The following NR3C2 variants were observed in gnomAD, a reference collection of about 807,000 sequenced individuals.
NR3C2 encodes the protein nuclear receptor subfamily 3 group C member 2, also known as mineralocorticoid receptor.
Under a neutral mutation model 86.4 loss-of-function variants are expected in NR3C2, and 15 were observed. The ratio of observed to expected loss-of-function variants is 0.17; its 90% CI spans 0.12 to 0.27. NR3C2 has a LOEUF of 0.27. Among genes scored for constraint, NR3C2 ranks in the 10% least tolerant of loss-of-function variants. NR3C2 has a pLI of 1.00. For missense variants in NR3C2, 960 were observed against 1,195.6 expected, an observed-to-expected ratio of 0.80 and a Z score of 2.91; for synonymous variants, 458 against 450.5, an observed-to-expected ratio of 1.02 and a Z score of -0.21.
At position 148,120,240 on chromosome 4, in the gene NR3C2, G is replaced by A. The variant is rs757563985; in HGVS notation, c.2559C>T (p.His853=). The A allele has an allele frequency of 6.2e-7, 1 of 1,614,078 alleles. No individual in the cohort carries two copies. Among genetic ancestry groups the A allele is most frequent in the East Asian group, 2.2e-5 (1 of 44,884 alleles). ...SAMYELCQGM[H]QISLQFVRLQ... ...GTCGAACGAACTGAAGGCTGATTTG[G>A]TGCATCCCCTGGCATAGTTCATACA... The change falls in exon 7 of 9, where the codon CAC becomes CAT. Residue 853 remains histidine, a synonymous_variant. Transcript: ENST00000358102.
chr4:148,083,818 A>ATT (rs1730688906), intron 8 of NR3C2, among the ~76,000 whole-genome samples: 1 of 152,176 alleles, frequency 6.6e-6, no homozygotes, highest in African/African-American at 2.4e-5. Flanking sequence ...CAGTTTAGAG[A>ATT]AGAATATAAA....
intron 4 of NR3C2, among the ~76,000 whole-genome samples, chr4:148,186,863 G>C (rs1560967032): frequency 6.6e-6 from 1 of 150,828 alleles, no homozygotes; most frequent in East Asian, 2.0e-4. Flanking sequence ...AACATACGAT[G>C]TTTGGTTTTC....
chr4:148,199,463 T>C (rs959272783), intron 3 of NR3C2, among the ~76,000 whole-genome samples: 6 of 152,246 alleles, frequency 3.9e-5, no homozygotes, highest in African/African-American at 1.4e-4. Flanking sequence ...TCTCGCTATC[T>C]CTTTTTTTTA....
At chr4:148,267,745 A>G (rs1327529315) in intron 2 of NR3C2, among the ~76,000 whole-genome samples, 1 of 152,136 alleles carries the variant, frequency 6.6e-6, no homozygotes, top group Non-Finnish European at 1.5e-5. Flanking sequence ...TCTTTTATAT[A>G]CAGAACACTA....
At chr4:148,171,075 C>T (rs192472762) in intron 4 of NR3C2, among the ~76,000 whole-genome samples, 6 of 152,200 alleles carry the variant, frequency 3.9e-5, no homozygotes, top group African/African-American at 9.6e-5. Flanking sequence ...TACTAGCCAT[C>T]CGTTAAAAAG....
At chr4:148,316,756 T>A (rs2149944293) in intron 2 of NR3C2, among the ~76,000 whole-genome samples, 1 of 152,260 alleles carries the variant, frequency 6.6e-6, no homozygotes, top group East Asian at 1.9e-4. Context: ...CACTTAAAAA[T>A]TAAATGCCCT....
chr4:148,104,352 T>TGG (rs1305975420), intron 8 of NR3C2, among the ~76,000 whole-genome samples: 5 of 100,492 alleles, frequency 5.0e-5, no homozygotes, highest in East Asian at 3.9e-4. Context: ...GTTTTTTTTT[T>TGG]TTTTTTTTTT....
chr4:148,297,681 T>C (rs559913821), intron 2 of NR3C2, among the ~76,000 whole-genome samples: 1 of 152,284 alleles, frequency 6.6e-6, no homozygotes, highest in African/African-American at 2.4e-5. Flanking sequence ...TTTCTTATTA[T>C]ATCAGTATAT....
chr4:148,411,431 T>C (rs1258247031), intron 2 of NR3C2, among the ~76,000 whole-genome samples: 2 of 152,196 alleles, frequency 1.3e-5, no homozygotes, highest in African/African-American at 2.4e-5. Flanking sequence ...ACAAGGGTAA[T>C]GTGTTTGTTC....
chr4:148,353,326 A>T (rs1332330405), intron 2 of NR3C2, among the ~76,000 whole-genome samples: 1 of 152,154 alleles, frequency 6.6e-6, no homozygotes, highest in Admixed American at 6.6e-5. Context: ...TAATTTTTAA[A>T]TTATGGAAAT....
intron 2 of NR3C2, among the ~76,000 whole-genome samples, chr4:148,350,364 T>C (rs1235638622): frequency 2.0e-5 from 3 of 152,178 alleles, no homozygotes; most frequent in Non-Finnish European, 4.4e-5. Context: ...ATGCTATTCA[T>C]AACATGTAAG....
At chr4:148,101,089 A>G (rs1423082000) in intron 8 of NR3C2, among the ~76,000 whole-genome samples, 1 of 152,220 alleles carries the variant, frequency 6.6e-6, no homozygotes, top group Non-Finnish European at 1.5e-5. Flanking sequence ...TGGTTGCACA[A>G]CAATGTGAAT....
At chr4:148,143,204 C>CT (rs1399609526) in intron 6 of NR3C2, among the ~76,000 whole-genome samples, 3 of 152,208 alleles carry the variant, frequency 2.0e-5, no homozygotes, top group Non-Finnish European at 4.4e-5. Context: ...GCACAGAGAA[C>CT]AGACATCCAG....
At chr4:148,442,782 C>T (rs961315340), upstream of NR3C2, 22 of 985,452 alleles carry the variant, frequency 2.2e-5, no homozygotes, top group Non-Finnish European at 2.7e-5. Flanking sequence ...CAGGCGGCCT[C>T]CGCACGCTGC....
Position 148,352,373 on chromosome 4 carries a change from C to CATCCATCT in NR3C2, c.1757+82730_1757+82731insAGATGGAT, listed in dbSNP as rs1360113319. The stretch of plus-strand genomic sequence containing the variant: ...TCTTAACTCTACATACAACTCCTAT[C>CATCCATCT]ATCTATCTATCTATCTATCTATCTA... On this transcript the variant is annotated intron_variant, in intron 2 of 8. Coordinates refer to ENST00000358102, the MANE Select transcript of NR3C2 (RefSeq NM_000901.5). 4.8e-5 allele frequency among the ~76,000 whole-genome samples: 7 copies of CATCCATCT among 146,208 alleles called. No homozygotes were observed. The East Asian group carries it at 1.0e-3, about 21-fold the overall frequency.
rs540257266 is a variant in NR3C2, at chr4:148,427,154, C to T, written c.1757+7950G>A. On this transcript the variant is annotated intron_variant, in intron 2 of 8. Transcript: ENST00000358102. ...ATTTTTAGTAGAGATGGGGTTTCAC[C>T]ATGTTGGCCAGGCTGGTCTCAAACT... 8.0e-4 allele frequency among the ~76,000 whole-genome samples: 122 copies of T among 151,976 alleles called. 1 individual carries two copies. Among genetic ancestry groups the T allele is most frequent in the Admixed American group, 2.2e-3 (33 of 15,256 alleles).
In NR3C2 at chr4:148,435,512, A is replaced by G. The variant is rs1750005231; in HGVS notation, c.1349T>C (p.Phe450Ser). The G allele has an allele frequency of 8.1e-6, 13 of 1,614,058 alleles. No homozygotes were observed. The highest frequency in any genetic ancestry group is 1.1e-5 in the Non-Finnish European group (13 of 1,180,050). ...SFKGNPTVNP[F>S]PFMDGSYFSF... Reference sequence around the variant, plus strand: ...AAAATACGAGCCATCCATAAATGGAAACGGGTTTACTGTTGGATTCCCTTT... The same window carrying G: ...AAAATACGAGCCATCCATAAATGGAGACGGGTTTACTGTTGGATTCCCTTT... The change falls in exon 2 of 9, where the codon TTT becomes TCT. Residue 450 changes from phenylalanine (F) to serine (S), a missense_variant. Around this residue, in one of 4 missense-constraint regions of NR3C2, gnomAD observed 680 missense variants for 719.0 expected, o/e 0.95. Transcript: ENST00000358102.
At position 148,081,332 on chromosome 4, in the gene NR3C2, G is replaced by A. The variant is rs1730545253; in HGVS notation, c.*12C>T. ...GGAAACTTAAGGCAAAGTTCTTCTG[G>A]GCAGCGGGCAGTCACTTCCGGTGGA... On this transcript the variant is annotated 3_prime_UTR_variant, in exon 9 of 9. Transcript: ENST00000358102. 3 of 1,614,060 alleles carry A rather than the reference G, an allele frequency of 1.9e-6. No homozygotes were observed. In the Admixed American group the frequency reaches 5.0e-5, roughly 27 times the overall value.
intron 3 of NR3C2, among the ~76,000 whole-genome samples, chr4:148,244,785 C>T (rs576603519): frequency 2.8e-4 from 43 of 152,208 alleles, no homozygotes; most frequent in Admixed American, 1.3e-3. Context: ...AAAATTGTTG[C>T]AAGTTAGAAT....
Sources: allele counts gnomAD v4.1 joint callset (sites outside exome capture counted in the v4.1 genomes callset), GRCh38; gene constraint gnomAD v4.1.1; regional missense constraint gnomAD v4.1.1; transcripts MANE v1.5; gene names NCBI Gene and HGNC (gene_info 2026-07-23, HGNC 2026-07-21).